NRXN1: variants seen among roughly 807,000 people sequenced by gnomAD.
NRXN1 encodes neurexin-1.
In NRXN1, 39 loss-of-function variants were observed where a neutral mutation model predicts 150.9. That is an observed-to-expected ratio of 0.26 (90% CI 0.20 to 0.34). NRXN1 has a LOEUF of 0.34. Among genes scored for constraint, NRXN1 ranks in the 10% least tolerant of loss-of-function variants. NRXN1 has a pLI of 1.00. For synonymous variants in NRXN1, 924 were observed against 757.0 expected, an observed-to-expected ratio of 1.22 and a Z score of -3.62; for missense variants, 1,815 against 1,949.9, an observed-to-expected ratio of 0.93 and a Z score of 1.30.
chr2:50,814,166 T>C (rs1440578804), intron 5 of NRXN1, among the ~76,000 whole-genome samples: 3 of 152,118 alleles, frequency 2.0e-5, no homozygotes, highest in Non-Finnish European at 2.9e-5. Flanking sequence ...TGTTTGTTTT[T>C]GTTTTTGTTT....
chr2:49,994,230 G>C (rs1682531575), intron 21 of NRXN1, among the ~76,000 whole-genome samples: 1 of 152,126 alleles, frequency 6.6e-6, no homozygotes, highest in Admixed American at 6.6e-5. Context: ...ACAAACCTGG[G>C]CTTCTCTGGT....
chr2:50,584,887 T>A (rs911441968), intron 8 of NRXN1, among the ~76,000 whole-genome samples: 1 of 152,156 alleles, frequency 6.6e-6, no homozygotes, highest in Non-Finnish European at 1.5e-5. Flanking sequence ...GGTAAATGTA[T>A]CCCATACACA....
chr2:49,974,183 G>C, intron 21 of NRXN1: 1 of 708,426 alleles, frequency 1.4e-6, no homozygotes, highest in Non-Finnish European at 2.6e-6. Flanking sequence ...CACACAGATG[G>C]GCGAGAAAAG....
At chr2:50,868,465 T>C (rs892921213) in intron 5 of NRXN1, among the ~76,000 whole-genome samples, 67 of 151,532 alleles carry the variant, frequency 4.4e-4, no homozygotes, top group African/African-American at 1.6e-3. Context: ...GTGTACATTA[T>C]TCAGGTGATG....
At chr2:50,864,460 CAA>C (rs1051432798) in intron 5 of NRXN1, among the ~76,000 whole-genome samples, 9 of 151,956 alleles carry the variant, frequency 5.9e-5, no homozygotes, top group African/African-American at 2.2e-4. Flanking sequence ...AGTTTTTAAA[CAA>C]AGTGTGTATG....
intron 5 of NRXN1, among the ~76,000 whole-genome samples, chr2:50,717,489 A>G (rs1408057879): frequency 6.6e-6 from 1 of 152,188 alleles, no homozygotes; most frequent in South Asian, 2.1e-4. Flanking sequence ...CAGTAACAGA[A>G]TAAACATTCT....
intron 17 of NRXN1, among the ~76,000 whole-genome samples, chr2:50,418,837 C>A (rs1572898573): frequency 6.6e-6 from 1 of 151,720 alleles, no homozygotes; most frequent in African/African-American, 2.4e-5. Context: ...TATGGCAAAT[C>A]CATTAATCTA....
chr2:50,959,180 C>T (rs1478109759), intron 2 of NRXN1, among the ~76,000 whole-genome samples: 2 of 151,874 alleles, frequency 1.3e-5, no homozygotes, highest in Non-Finnish European at 2.9e-5. Flanking sequence ...TGATGCAACC[C>T]CTTTGGAAAG....
chr2:50,677,692 C>G (rs979641241), intron 5 of NRXN1, among the ~76,000 whole-genome samples: 1 of 151,908 alleles, frequency 6.6e-6, no homozygotes, highest in Non-Finnish European at 1.5e-5. Flanking sequence ...TGTGTTAAAC[C>G]CTAGTATGTA....
chr2:50,873,628 T>C (rs543829331), intron 5 of NRXN1, among the ~76,000 whole-genome samples: 10 of 151,864 alleles, frequency 6.6e-5, no homozygotes, highest in African/African-American at 1.4e-4. Context: ...CTTGAAAAAA[T>C]TGACTTTTTA....
chr2:50,729,415 T>C (rs1373071877), intron 5 of NRXN1, among the ~76,000 whole-genome samples: 2 of 152,190 alleles, frequency 1.3e-5, no homozygotes, highest in South Asian at 2.1e-4. Flanking sequence ...GTTGTGCAGT[T>C]TCTTAAAAGA....
chr2:50,829,502 C>CA, intron 5 of NRXN1: 1 of 1,603,026 alleles, frequency 6.2e-7, no homozygotes, highest in East Asian at 2.2e-5. Flanking sequence ...AGGCGCGAAT[C>CA]AAAAACAGCA....
chr2:50,292,246 T>C (rs1439690995), intron 17 of NRXN1, among the ~76,000 whole-genome samples: 1 of 152,196 alleles, frequency 6.6e-6, no homozygotes, highest in Admixed American at 6.5e-5. Flanking sequence ...GACATTTCAC[T>C]GTCCATAATT....
At chr2:50,570,263 C>T (rs79895140) in intron 8 of NRXN1, among the ~76,000 whole-genome samples, 20,715 of 148,620 alleles carry the variant, frequency 0.14, 1,955 homozygotes, top group Non-Finnish European at 0.21. Flanking sequence ...GTACTGGGGG[C>T]GGGGGGAAGA....
chr2:50,235,040 C>A (rs965294811), intron 18 of NRXN1, among the ~76,000 whole-genome samples: 2 of 152,028 alleles, frequency 1.3e-5, no homozygotes, highest in African/African-American at 2.4e-5. Context: ...AATAACACAG[C>A]CCCTTGTGAT....
At chr2:50,917,836 G>A (rs1685436438) in intron 5 of NRXN1, 1 of 151,046 alleles carries the variant, frequency 6.6e-6, no homozygotes, top group African/African-American at 2.4e-5. Context: ...AAGCCCAAAT[G>A]GACTAAGACA....
intron 5 of NRXN1, among the ~76,000 whole-genome samples, chr2:50,798,959 G>GT (rs1380388921): frequency 2.0e-5 from 3 of 152,140 alleles, no homozygotes; most frequent in African/African-American, 7.2e-5. Context: ...TTGTTATAAT[G>GT]TGTCTAAATA....
At chr2:50,501,400 A>AGAGTGTGTGTGTGT (rs1553706190) in intron 13 of NRXN1, among the ~76,000 whole-genome samples, 8 of 148,180 alleles carry the variant, frequency 5.4e-5, no homozygotes, top group Non-Finnish European at 1.2e-4. Context: ...TGTGTGTGTG[A>AGAGTGTGTGTGTGT]GTGTGTGTGT....
intron 18 of NRXN1, among the ~76,000 whole-genome samples, chr2:50,197,273 C>T (rs1263990747): frequency 3.3e-5 from 5 of 152,086 alleles, no homozygotes; most frequent in Non-Finnish European, 5.9e-5. Flanking sequence ...GTCAAAAGCA[C>T]AGTGGGACAC....
Sources: allele counts gnomAD v4.1 joint callset (sites outside exome capture counted in the v4.1 genomes callset), GRCh38; gene constraint gnomAD v4.1.1; transcripts MANE v1.5; gene names NCBI Gene and HGNC (gene_info 2026-07-23, HGNC 2026-07-21).